The following KCNJ12 variants were observed in gnomAD, a reference collection of about 807,000 sequenced individuals.
KCNJ12 encodes ATP-sensitive inward rectifier potassium channel 12.
A neutral mutation model predicts 22.3 loss-of-function variants in KCNJ12; 2 were observed. The ratio of observed to expected loss-of-function variants is 0.09; its 90% CI spans 0.04 to 0.28. KCNJ12 has a LOEUF of 0.28. Among genes scored for constraint, KCNJ12 ranks in the 10% least tolerant of loss-of-function variants. The pLI is 1.00. For missense variants in KCNJ12, 155 were observed against 633.3 expected (o/e 0.24, Z 8.11); for synonymous variants, 117 against 261.4 (o/e 0.45, Z 5.33).
Position 21,419,015 on chromosome 17 carries a change from C to G in KCNJ12, c.*2371C>G, listed in dbSNP as rs1472971007. ...CCCCAGCGCCTCATCTCCCCAAAGG[C>G]GGCAGATGCTTGATTCTCCTGCCCT... On this transcript the variant is annotated 3_prime_UTR_variant, in exon 3 of 3. Transcript: ENST00000583088. 6.0e-6 allele frequency: 1 copy of G among 167,078 alleles called. No individual in the cohort carries two copies. Among genetic ancestry groups the G allele is most frequent in the Non-Finnish European group, 1.5e-5 (1 of 68,140 alleles). The allele number at this position is 167,078 out of a possible 1,614,324, so 10.3% of individuals were successfully genotyped here.
intron 1 of KCNJ12, among the ~76,000 whole-genome samples, chr17:21,406,653 G>A (rs1455453450): frequency 6.6e-6 from 1 of 152,310 alleles, no homozygotes; most frequent in Non-Finnish European, 1.5e-5. Flanking sequence ...AGGTCACACA[G>A]CTTATGAGGG....
intron 2 of KCNJ12, among the ~76,000 whole-genome samples, chr17:21,411,695 C>T (rs1460614855): frequency 6.6e-6 from 1 of 152,300 alleles, no homozygotes; most frequent in Non-Finnish European, 1.5e-5. Flanking sequence ...CTTGCTAAGG[C>T]CTCTTCCAGC....
At chr17:21,384,756 G>T (rs148367863) in intron 1 of KCNJ12, among the ~76,000 whole-genome samples, 24 of 144,840 alleles carry the variant, frequency 1.7e-4, no homozygotes, top group African/African-American at 3.3e-4. Flanking sequence ...TTTTTTTTTT[G>T]TTGTTGTTTG....
intron 1 of KCNJ12, among the ~76,000 whole-genome samples, chr17:21,400,403 C>T (rs577874052): frequency 0.011 from 1,621 of 152,004 alleles, no homozygotes; most frequent in African/African-American, 0.036. Flanking sequence ...GGTGGTCACA[C>T]AGTCCCTCCT....
At chr17:21,393,488 C>T (rs1196269702) in intron 1 of KCNJ12, among the ~76,000 whole-genome samples, 3 of 152,172 alleles carry the variant, frequency 2.0e-5, no homozygotes, top group Admixed American at 6.5e-5. Context: ...CTCTTGCTTA[C>T]GAAGCCAGCA....
chr17:21,406,503 C>T (rs1408833110), intron 1 of KCNJ12, among the ~76,000 whole-genome samples: 9 of 152,396 alleles, frequency 5.9e-5, no homozygotes, highest in South Asian at 2.1e-4. Flanking sequence ...GTGGCTTCTG[C>T]TCCCAGAATG....
At chr17:21,377,636 G>A (rs1371699229) in intron 1 of KCNJ12, among the ~76,000 whole-genome samples, 6 of 152,118 alleles carry the variant, frequency 3.9e-5, no homozygotes, top group Non-Finnish European at 5.9e-5. Context: ...CGGGAATCAG[G>A]GGCTCATGGG....
At chr17:21,411,566 CTACCTT>C (rs1446614877) in intron 2 of KCNJ12, among the ~76,000 whole-genome samples, 1 of 152,310 alleles carries the variant, frequency 6.6e-6, no homozygotes, top group Non-Finnish European at 1.5e-5. Flanking sequence ...GAAAACGGTC[CTACCTT>C]TAGTAGTGAG....
intron 1 of KCNJ12, among the ~76,000 whole-genome samples, chr17:21,383,673 T>C (rs891499485): frequency 6.6e-6 from 1 of 152,140 alleles, no homozygotes; most frequent in African/African-American, 2.4e-5. Flanking sequence ...GGATGTCCCT[T>C]TCTTTCCATC....
intron 2 of KCNJ12, among the ~76,000 whole-genome samples, chr17:21,413,199 C>T (rs1349322709): frequency 2.5e-5 from 3 of 122,006 alleles, no homozygotes; most frequent in African/African-American, 7.5e-5. Context: ...CTGGGTCACA[C>T]AGACCGGGGC....
chr17:21,406,755 T>G (rs11651884), intron 1 of KCNJ12, among the ~76,000 whole-genome samples: 26 of 152,408 alleles, frequency 1.7e-4, no homozygotes, highest in African/African-American at 6.3e-4. Flanking sequence ...CTTACCAACA[T>G]TTGCCTTAAT....
chr17:21,407,433 A>G (rs1238641984), intron 1 of KCNJ12, among the ~76,000 whole-genome samples: 440 of 150,574 alleles, frequency 2.9e-3, no homozygotes, highest in Non-Finnish European at 5.0e-3. Context: ...TCAACCATAT[A>G]CCCACCCATC....
At chr17:21,392,665 G>A (rs1189836902) in intron 1 of KCNJ12, among the ~76,000 whole-genome samples, 1 of 152,246 alleles carries the variant, frequency 6.6e-6, no homozygotes, top group African/African-American at 2.4e-5. Flanking sequence ...TCCTCGAGTG[G>A]GTTCAGAGAA....
At position 21,416,432 on chromosome 17, in the gene KCNJ12, G is replaced by A. The variant is rs1285570110; in HGVS notation, c.1090G>A (p.Glu364Lys). 30 of 1,613,958 alleles carry A rather than the reference G, an allele frequency of 1.9e-5. No individual in the cohort carries two copies. Among genetic ancestry groups the A allele is most frequent in the African/African-American group, 2.7e-5 (2 of 74,968 alleles). Residue 364 changes from glutamate to lysine, a missense_variant, in exon 3 of 3, where the codon GAG (glutamate) becomes AAG (lysine). Transcript: ENST00000583088. Reference sequence around the variant, plus strand: ...CCGCTGCAGTGCGAAGGATCTGGTAGAGAACAAGTTCCTGCTGCCCAGCGC... The same window carrying A: ...CCGCTGCAGTGCGAAGGATCTGGTAAAGAACAAGTTCCTGCTGCCCAGCGC... ...TPRCSAKDLVENKFLLPSANS... is the reference protein window; with the variant it reads ...TPRCSAKDLVKNKFLLPSANS...
chr17:21,403,255 G>T (rs1905734128), intron 1 of KCNJ12, among the ~76,000 whole-genome samples: 1 of 152,310 alleles, frequency 6.6e-6, no homozygotes. Flanking sequence ...CTAGCTCTCT[G>T]CTCATTCCTA....
At chr17:21,382,916 T>C (rs1904926103) in intron 1 of KCNJ12, among the ~76,000 whole-genome samples, 1 of 152,198 alleles carries the variant, frequency 6.6e-6, no homozygotes, top group Non-Finnish European at 1.5e-5. Context: ...GGGTGCGACG[T>C]GACACCTCCA....
intron 1 of KCNJ12, among the ~76,000 whole-genome samples, chr17:21,403,388 A>G (rs2142064523): frequency 6.6e-6 from 1 of 152,430 alleles, no homozygotes; most frequent in East Asian, 1.9e-4. Flanking sequence ...AACATCATAC[A>G]TATTTTTATG....
Position 21,415,390 on chromosome 17 carries a change from G to A in KCNJ12, c.48G>A (p.Glu16=), listed in dbSNP as rs1555562347. The A allele has an allele frequency of 6.2e-7, 1 of 1,613,062 alleles. No individual in the cohort carries two copies. The highest frequency in any genetic ancestry group is 1.1e-5 in the South Asian group (1 of 91,084). Residue 16 remains glutamate, a synonymous_variant, in exon 3 of 3, where the codon GAG becomes GAA. Transcript: ENST00000583088. ...ACCCCTACAGCATCGTGTCATCGGA[G>A]GAGGACGGGCTGCACCTGGTCACCA... ...RANPYSIVSS[E]EDGLHLVTMS...
In KCNJ12 at chr17:21,418,453, G is replaced by C. The variant is rs1906969380; in HGVS notation, c.*1809G>C. The C allele has an allele frequency of 6.0e-6, 1 of 166,506 alleles. No individual in the cohort carries two copies. The highest frequency in any genetic ancestry group is 2.4e-5 in the African/African-American group (1 of 41,330). The allele number at this position is 166,506 out of a possible 1,614,324, so 10.3% of individuals were successfully genotyped here. On this transcript the variant is annotated 3_prime_UTR_variant, in exon 3 of 3. Coordinates refer to ENST00000583088, the MANE Select transcript of KCNJ12 (RefSeq NM_021012.5). Reference sequence around the variant, plus strand: ...TGGGTGGGGTGCAGGAGACAGAGAGGGGCTGGGGGCGTGGGGTGGGGGTGT... The same window carrying C: ...TGGGTGGGGTGCAGGAGACAGAGAGCGGCTGGGGGCGTGGGGTGGGGGTGT...
Sources: allele counts gnomAD v4.1 joint callset (sites outside exome capture counted in the v4.1 genomes callset), GRCh38; gene constraint gnomAD v4.1.1; transcripts MANE v1.5; gene names NCBI Gene and HGNC (gene_info 2026-07-23, HGNC 2026-07-21).